Variants in MYO16 observed in about 807,000 individuals in gnomAD.
MYO16 encodes the protein unconventional myosin-XVI.
A neutral mutation model predicts 205.3 loss-of-function variants in MYO16; 94 were observed. The ratio of observed to expected loss-of-function variants is 0.46; its 90% confidence interval spans 0.39 to 0.54. The LOEUF is 0.54. Among genes scored for constraint, MYO16 ranks in the 20% least tolerant of loss-of-function variants. The pLI, the probability that MYO16 is intolerant of heterozygous loss-of-function variation, is 0.00. For synonymous variants in MYO16, 988 were observed against 954.0 expected, an observed-to-expected ratio of 1.04 and a Z score of -0.66; for missense variants, 2,315 against 2,387.5, an observed-to-expected ratio of 0.97 and a Z score of 0.63.
intron 9 of MYO16, among the ~76,000 whole-genome samples, chr13:108,838,326 T>C (rs1260945750): frequency 6.6e-6 from 1 of 151,970 alleles, no homozygotes. Flanking sequence ...ATAATTAATA[T>C]AACATTTTGC....
intron 21 of MYO16, among the ~76,000 whole-genome samples, chr13:109,001,459 A>G (rs1436584986): frequency 1.3e-5 from 2 of 152,208 alleles, no homozygotes; most frequent in Non-Finnish European, 2.9e-5. Flanking sequence ...TATCAAGGTA[A>G]GAGTCAGTCA....
At chr13:109,022,650 T>C (rs868274589) in intron 23 of MYO16, among the ~76,000 whole-genome samples, 1 of 126,056 alleles carries the variant, frequency 7.9e-6, no homozygotes, top group African/African-American at 3.1e-5. Flanking sequence ...CATATAAACA[T>C]ATGTATATAT....
chr13:108,772,400 C>A (rs1176024297), intron 4 of MYO16, among the ~76,000 whole-genome samples: 1 of 152,034 alleles, frequency 6.6e-6, no homozygotes, highest in Non-Finnish European at 1.5e-5. Context: ...AACTGTCTTC[C>A]AAAGTGCCTG....
At chr13:108,685,050 G>A (rs1397043811) in intron 2 of MYO16, among the ~76,000 whole-genome samples, 1 of 143,170 alleles carries the variant, frequency 7.0e-6, no homozygotes, top group Non-Finnish European at 1.5e-5. Context: ...TTGAGATAGA[G>A]TCTCGGTCTG....
intron 23 of MYO16, among the ~76,000 whole-genome samples, chr13:109,021,108 A>G (rs74349200): frequency 0.017 from 2,569 of 152,264 alleles, 73 homozygotes; most frequent in African/African-American, 0.059. Context: ...AAGGGGGGAC[A>G]TTCTTGGAAA....
At chr13:108,977,464 G>A (rs1884304278) in intron 20 of MYO16, among the ~76,000 whole-genome samples, 1 of 152,194 alleles carries the variant, frequency 6.6e-6, no homozygotes, top group Non-Finnish European at 1.5e-5. Context: ...GGCAAGACAA[G>A]TTGTGCCCTG....
chr13:108,910,175 T>G (rs745394646), intron 16 of MYO16, 25 bp downstream of exon 16: 5 of 1,599,132 alleles, frequency 3.1e-6, no homozygotes, highest in Admixed American at 1.7e-5. Context: ...ATTTTGTATC[T>G]AAAAGCTATG....
chr13:108,801,356 C>A (rs911053304), intron 6 of MYO16, among the ~76,000 whole-genome samples: 4 of 152,196 alleles, frequency 2.6e-5, no homozygotes, highest in Non-Finnish European at 5.9e-5. Flanking sequence ...CACTGCTGGA[C>A]TGTAGGTGAA....
chr13:109,133,184 A>G (rs1594112653), intron 31 of MYO16, among the ~76,000 whole-genome samples: 2 of 152,182 alleles, frequency 1.3e-5, no homozygotes, highest in African/African-American at 2.4e-5. Context: ...ACATCCACTC[A>G]TGTACGCAGC....
intron 22 of MYO16, 36 bp downstream of exon 22, chr13:109,009,085 A>G: frequency 1.3e-6 from 2 of 1,499,696 alleles, no homozygotes; most frequent in Non-Finnish European, 8.9e-7. Context: ...TTAACAGGAT[A>G]TATGGGTTTA....
rs539216528 is a variant in MYO16 at position 109,193,944 on chromosome 13, G to T, written c.5416-12665G>T. On this transcript the variant is annotated intron_variant, in intron 34 of 34. Transcript: ENST00000457511. ...TAGCCTTTCTTCTTGTTGTGTCCTA[G>T]TCATCCTTTCAATCCAGATCAAATC... Among the ~76,000 whole-genome samples the T allele has an allele frequency of 2.0e-5, 3 of 152,178 alleles. No homozygotes were observed. The South Asian group carries it at 6.2e-4, about 32-fold the overall frequency.
intron 16 of MYO16, among the ~76,000 whole-genome samples, chr13:108,930,903 A>G (rs1180171159): frequency 6.6e-6 from 1 of 152,220 alleles, no homozygotes; most frequent in East Asian, 1.9e-4. Flanking sequence ...AAAATATCAC[A>G]TATATGTGAG....
At chr13:109,052,160 G>A (rs150992911) in intron 24 of MYO16, 140 bp from the exon 25 acceptor site, 29 of 684,004 alleles carry the variant, frequency 4.2e-5, no homozygotes, top group African/African-American at 4.2e-4. Flanking sequence ...ACAGGAAAAG[G>A]TAGACTCCTC....
upstream of MYO16, among the ~76,000 whole-genome samples, chr13:108,626,182 T>C (rs988462472): frequency 1.3e-5 from 2 of 152,136 alleles, no homozygotes; most frequent in Non-Finnish European, 2.9e-5. Context: ...CATGTGTTCA[T>C]ATCAGAAATA....
intron 4 of MYO16, among the ~76,000 whole-genome samples, chr13:108,761,449 G>T (rs72668512): frequency 0.19 from 27,042 of 139,820 alleles, 2,691 homozygotes; most frequent in Non-Finnish European, 0.23. Context: ...TGAAGCCGAG[G>T]GGGGAGAAGG....
At chr13:108,866,656 C>A (rs961871589) in intron 12 of MYO16, among the ~76,000 whole-genome samples, 1 of 152,168 alleles carries the variant, frequency 6.6e-6, no homozygotes, top group African/African-American at 2.4e-5. Context: ...TACGTTTTCC[C>A]AAATGACTTG....
chr13:108,736,851 C>A (rs1383435458), intron 4 of MYO16, among the ~76,000 whole-genome samples: 2 of 152,138 alleles, frequency 1.3e-5, no homozygotes, highest in Admixed American at 6.5e-5. Flanking sequence ...TGAAGAGATC[C>A]TTCACATCCC....
At chr13:109,151,116 T>G (rs56282480) in intron 32 of MYO16, among the ~76,000 whole-genome samples, 3,928 of 152,306 alleles carry the variant, frequency 0.026, 76 homozygotes, top group Non-Finnish European at 0.04. Context: ...TTTAGGCTCC[T>G]TATGCCTGAC....
At chr13:108,781,048 C>T (rs1445880367) in intron 4 of MYO16, among the ~76,000 whole-genome samples, 1 of 152,184 alleles carries the variant, frequency 6.6e-6, no homozygotes, top group Non-Finnish European at 1.5e-5. Flanking sequence ...TCTTTCAATG[C>T]CAAGTTCCTT....
Sources: gnomAD v4.1 joint callset for allele counts (sites outside exome capture counted in the v4.1 genomes callset) on GRCh38, gnomAD v4.1.1 for gene constraint, MANE v1.5 for transcripts, NCBI Gene and HGNC (gene_info 2026-07-23, HGNC 2026-07-21) for gene names.